Variants in POLR3A observed in about 807,000 individuals in gnomAD.
POLR3A encodes DNA-directed RNA polymerase III subunit RPC1.
Under a neutral mutation model 152.8 loss-of-function variants are expected in POLR3A, and 112 were observed. The ratio of observed to expected loss-of-function variants is 0.73; its 90% CI spans 0.63 to 0.86. The LOEUF (loss-of-function observed/expected upper bound fraction) is 0.86, where lower values mean the gene tolerates loss of function less well. Ranked by LOEUF, POLR3A falls within the 40% of genes least tolerant of loss-of-function variation. The probability of loss-of-function intolerance (pLI) is 0.00; values close to 1 mark genes in which losing one functional copy is unlikely to be tolerated. For synonymous variants in POLR3A, 615 were observed against 652.1 expected (o/e 0.94, Z 0.87); for missense variants, 1,385 against 1,743.1 (o/e 0.79, Z 3.66).
At chr10:78,011,179 G>T (rs1008372081) in intron 11 of POLR3A, among the ~76,000 whole-genome samples, 1 of 152,248 alleles carries the variant, frequency 6.6e-6, no homozygotes, top group South Asian at 2.1e-4. Context: ...CTTCTCCAAA[G>T]AAAATTCATT....
chr10:77,992,040 G>A (rs1438886906), intron 20 of POLR3A, among the ~76,000 whole-genome samples: 1 of 152,164 alleles, frequency 6.6e-6, no homozygotes, highest in African/African-American at 2.4e-5. Flanking sequence ...TGGGTCAAAA[G>A]GGACACGTAT....
chr10:78,003,478 A>G (rs1289898619), intron 16 of POLR3A, among the ~76,000 whole-genome samples: 4 of 152,202 alleles, frequency 2.6e-5, no homozygotes, highest in African/African-American at 9.6e-5. Flanking sequence ...AGGTTCTCAC[A>G]GGCTGGTGGT....
intron 19 of POLR3A, 128 bp from the exon 20 acceptor site, chr10:77,993,495 A>G: frequency 1.4e-6 from 1 of 735,742 alleles, no homozygotes; most frequent in Non-Finnish European, 2.4e-6. Flanking sequence ...CTTTATTAGA[A>G]ACCCTTTAAA....
At position 77,977,495 on chromosome 10, in the gene POLR3A, T is replaced by A. The variant is rs774881744; in HGVS notation, c.4156A>T (p.Ile1386Phe). 4 of 1,614,052 alleles carry A rather than the reference T, an allele frequency of 2.5e-6. No individual in the cohort carries two copies. In the South Asian group the frequency reaches 4.4e-5, roughly 18 times the overall value. ...PLIFDTNEFH[I>F]PLVT ...TCTTTGGACTATGTGACAAGGGGGA[T>A]GTGGAATTCATTTGTGTCGAAGATC... The change falls in exon 31 of 31, where the codon ATC becomes TTC. Residue 1386 changes from isoleucine to phenylalanine, a missense_variant. By Grantham distance (21) the Ile-to-Phe change is conservative. Around this residue, in one of 7 missense-constraint regions of POLR3A, gnomAD observed 332 missense variants for 400.1 expected, o/e 0.83. Coordinates refer to ENST00000372371, the MANE Select transcript of POLR3A (RefSeq NM_007055.4).
chr10:78,026,707 T>C (rs1391621921), intron 1 of POLR3A, among the ~76,000 whole-genome samples: 1 of 152,212 alleles, frequency 6.6e-6, no homozygotes, highest in Admixed American at 6.5e-5. Context: ...CATCCTCTTA[T>C]CTTCTCATCC....
At chr10:78,007,668 G>C (rs1345880629) in intron 15 of POLR3A, 34 bp downstream of exon 15, 2 of 1,596,666 alleles carry the variant, frequency 1.3e-6, no homozygotes, top group Non-Finnish European at 8.6e-7. Context: ...AACAATTGCA[G>C]CTTTAACTAA....
At chr10:78,016,829 G>T (rs1283777265) in intron 10 of POLR3A, among the ~76,000 whole-genome samples, 1 of 148,876 alleles carries the variant, frequency 6.7e-6, no homozygotes, top group Non-Finnish European at 1.5e-5. Flanking sequence ...GAGCCAGACT[G>T]TGCCACTGCA....
chr10:78,019,035 G>A, intron 9 of POLR3A, 127 bp downstream of exon 9: 1 of 748,850 alleles, frequency 1.3e-6, no homozygotes, highest in South Asian at 1.4e-5. Context: ...AATTTAAACA[G>A]ATATTTTCCA....
intron 19 of POLR3A, among the ~76,000 whole-genome samples, chr10:77,997,450 C>G (rs1847312220): frequency 6.6e-6 from 1 of 152,186 alleles, no homozygotes; most frequent in Non-Finnish European, 1.5e-5. Flanking sequence ...TGATAAGCAA[C>G]TTCAGCAAAG....
At chr10:78,019,309 G>A in intron 8 of POLR3A, 44 bp from the exon 9 acceptor site, 1 of 1,208,426 alleles carries the variant, frequency 8.3e-7, no homozygotes, top group Non-Finnish European at 1.2e-6. Flanking sequence ...CAGGTAACTA[G>A]AAACTAACAA....
At chr10:77,995,806 C>G (rs908242644) in intron 19 of POLR3A, among the ~76,000 whole-genome samples, 11 of 152,236 alleles carry the variant, frequency 7.2e-5, no homozygotes, top group Admixed American at 7.2e-4. Context: ...CTGCACCAAG[C>G]GGACCTAATA....
At chr10:78,001,669 C>T (rs1847358686) in intron 17 of POLR3A, among the ~76,000 whole-genome samples, 2 of 152,184 alleles carry the variant, frequency 1.3e-5, no homozygotes, top group African/African-American at 4.8e-5. Flanking sequence ...AATTATGCCA[C>T]ATCATTAAGT....
intron 19 of POLR3A, among the ~76,000 whole-genome samples, chr10:77,994,297 G>A (rs1315861341): frequency 6.6e-6 from 1 of 152,114 alleles, no homozygotes; most frequent in Non-Finnish European, 1.5e-5. Context: ...TTGGAAATAG[G>A]TGTCCACTGT....
chr10:77,990,692 C>CTGCA (rs888722696), intron 21 of POLR3A, among the ~76,000 whole-genome samples: 15 of 150,490 alleles, frequency 1.0e-4, no homozygotes, highest in African/African-American at 3.7e-4. Context: ...TCCCGGTGTA[C>CTGCA]TGCAACCTCC....
chr10:77,980,362 C>A, intron 29 of POLR3A, 89 bp from the exon 30 acceptor site: 2 of 1,288,798 alleles, frequency 1.6e-6, no homozygotes, highest in Non-Finnish European at 1.1e-6. Context: ...ATACAATCAA[C>A]AAAAATCCTC....
chr10:78,027,905 G>A (rs1847652536), intron 1 of POLR3A, among the ~76,000 whole-genome samples: 1 of 152,132 alleles, frequency 6.6e-6, no homozygotes, highest in Non-Finnish European at 1.5e-5. Context: ...CACTTTGACA[G>A]AAGCACTTTC....
rs138440930 is a variant in POLR3A, at chr10:77,980,006, C to T, written c.4024+135G>A. ...GATAAAAGATCCAGCAGTTCCAATTCGTGTCTATTGACATTATTCTTGAAA... is the reference window on the plus strand; with the variant it reads ...GATAAAAGATCCAGCAGTTCCAATTTGTGTCTATTGACATTATTCTTGAAA... On this transcript the variant is annotated intron_variant, in intron 30 of 30. Coordinates refer to ENST00000372371, the MANE Select transcript of POLR3A (RefSeq NM_007055.4). The T allele has an allele frequency of 5.2e-3, 4,259 of 819,474 alleles. 29 individuals are homozygous for T. The highest frequency in any genetic ancestry group is 8.8e-3 in the South Asian group (642 of 73,054). 50.8% of individuals were successfully genotyped at this position (819,474 alleles called of 1,614,324 possible). A position where few individuals can be genotyped will look rare whatever the true frequency, so the allele number is the denominator to read the frequency against.
At chr10:78,013,414 C>T (rs937709845) in intron 11 of POLR3A, 11 of 533,028 alleles carry the variant, frequency 2.1e-5, no homozygotes, top group South Asian at 1.3e-4. Context: ...ATCCCCTCAA[C>T]GCATCTGTTA....
intron 12 of POLR3A, 116 bp from the exon 13 acceptor site, chr10:78,010,107 C>T (rs1847452338): frequency 7.5e-7 from 1 of 1,338,060 alleles, no homozygotes; most frequent in African/African-American, 1.5e-5. Flanking sequence ...TTGAAACAAA[C>T]AGCTGCTTAC....
Sources: gnomAD v4.1 joint callset for allele counts (sites outside exome capture counted in the v4.1 genomes callset) on GRCh38, gnomAD v4.1.1 for gene constraint, gnomAD v4.1.1 regional missense constraint, MANE v1.5 for transcripts, NCBI Gene and HGNC (gene_info 2026-07-23, HGNC 2026-07-21) for gene names.